PDE1C: variants seen among roughly 807,000 people sequenced by gnomAD.
The protein encoded by PDE1C is dual specificity calcium/calmodulin-dependent 3',5'-cyclic nucleotide phosphodiesterase 1C.
A neutral mutation model predicts 93.1 loss-of-function variants in PDE1C; 62 were observed. That is an observed-to-expected ratio of 0.67 (90% CI 0.54 to 0.82). PDE1C has a LOEUF of 0.82. PDE1C is among the 40% of genes least tolerant of loss of function. The pLI is 0.00. For synonymous variants in PDE1C, 325 were observed against 310.1 expected, an observed-to-expected ratio of 1.05 and a Z score of -0.50; for missense variants, 742 against 884.6, an observed-to-expected ratio of 0.84 and a Z score of 2.04.
chr7:32,107,688 G>C (rs1294068055), intron 3 of PDE1C, among the ~76,000 whole-genome samples: 1 of 151,962 alleles, frequency 6.6e-6, no homozygotes, highest in East Asian at 1.9e-4. Flanking sequence ...AATTATGCAA[G>C]TCAAACTCAG....
chr7:32,196,767 G>A (rs1804651007), intron 2 of PDE1C, among the ~76,000 whole-genome samples: 1 of 152,204 alleles, frequency 6.6e-6, no homozygotes, highest in Non-Finnish European at 1.5e-5. Flanking sequence ...CATAAGGAAT[G>A]TAAGGATTTA....
chr7:31,978,061 T>A (rs1450145293), intron 2 of PDE1C, among the ~76,000 whole-genome samples: 2 of 152,174 alleles, frequency 1.3e-5, no homozygotes, highest in Admixed American at 1.3e-4. Flanking sequence ...ACCAAGCTGA[T>A]CATTCGCAGA....
chr7:31,750,004 G>A (rs1284583237), downstream of PDE1C, among the ~76,000 whole-genome samples: 3 of 152,024 alleles, frequency 2.0e-5, no homozygotes, highest in African/African-American at 7.2e-5. Context: ...CCAAAGTGCT[G>A]GGATTACAGG....
chr7:32,376,605 T>C (rs1405392550), intron 1 of PDE1C, among the ~76,000 whole-genome samples: 2 of 152,216 alleles, frequency 1.3e-5, no homozygotes, highest in African/African-American at 4.8e-5. Flanking sequence ...GCATCCTCCA[T>C]GGCAGCTAAT....
chr7:31,962,702 A>G (rs1426422477), intron 2 of PDE1C, among the ~76,000 whole-genome samples: 1 of 152,218 alleles, frequency 6.6e-6, no homozygotes, highest in Non-Finnish European at 1.5e-5. Context: ...GACACAGAAC[A>G]TCACCAAAGT....
At chr7:32,222,579 G>A (rs1342578654) in intron 1 of PDE1C, among the ~76,000 whole-genome samples, 1 of 152,182 alleles carries the variant, frequency 6.6e-6, no homozygotes, top group Non-Finnish European at 1.5e-5. Context: ...AAGCCAGTTG[G>A]AAGTTGGGGA....
chr7:32,086,295 C>A (rs1364826096), intron 3 of PDE1C, among the ~76,000 whole-genome samples: 5 of 151,782 alleles, frequency 3.3e-5, no homozygotes, highest in Admixed American at 6.6e-5. Context: ...TCCAACTTAC[C>A]AGGGACATGA....
upstream of PDE1C, among the ~76,000 whole-genome samples, chr7:32,076,081 G>A (rs1481942720): frequency 2.6e-5 from 4 of 152,122 alleles, no homozygotes; most frequent in African/African-American, 9.7e-5. Context: ...AGGAAAACCT[G>A]AGTCTGCCCC....
chr7:31,726,909 C>T, the PDE1C span, among the ~76,000 whole-genome samples: 1 of 152,140 alleles, frequency 6.6e-6, no homozygotes, highest in African/African-American at 2.4e-5. Context: ...TGGCAGGTGC[C>T]TGTAATCCCC....
intron 2 of PDE1C, among the ~76,000 whole-genome samples, chr7:31,967,607 T>A (rs1396296779): frequency 6.6e-6 from 1 of 152,188 alleles, no homozygotes; most frequent in African/African-American, 2.4e-5. Context: ...CTAACTCTTT[T>A]TATGAGGCCA....
At chr7:32,245,292 T>C (rs1808843836) in intron 1 of PDE1C, among the ~76,000 whole-genome samples, 1 of 152,198 alleles carries the variant, frequency 6.6e-6, no homozygotes, top group Non-Finnish European at 1.5e-5. Flanking sequence ...TCTTTGTTTA[T>C]CTTTAGCTGA....
At chr7:31,981,919 C>T (rs1337607146) in intron 2 of PDE1C, among the ~76,000 whole-genome samples, 8 of 152,186 alleles carry the variant, frequency 5.3e-5, no homozygotes, top group African/African-American at 1.9e-4. Flanking sequence ...GCATGGTTTA[C>T]ATGTGAGACT....
At chr7:32,022,196 G>A (rs112032516) in intron 2 of PDE1C, among the ~76,000 whole-genome samples, 6,991 of 152,010 alleles carry the variant, frequency 0.046, 368 homozygotes, top group African/African-American at 0.13. Flanking sequence ...GAAAAGAAGG[G>A]AGGGAAGGAG....
chr7:32,334,892 T>C (rs1288151374), intron 1 of PDE1C, among the ~76,000 whole-genome samples: 1 of 152,148 alleles, frequency 6.6e-6, no homozygotes, highest in African/African-American at 2.4e-5. Flanking sequence ...ATGTTTTGTC[T>C]TTCAAATTTT....
the PDE1C span, among the ~76,000 whole-genome samples, chr7:31,715,634 G>A: frequency 1.5e-4 from 23 of 152,228 alleles, no homozygotes; most frequent in Non-Finnish European, 3.1e-4. Context: ...TTATAGCCCA[G>A]ATGCTCACAG....
intron 3 of PDE1C, among the ~76,000 whole-genome samples, chr7:32,106,210 G>T (rs1053531461): frequency 1.3e-5 from 2 of 151,870 alleles, no homozygotes; most frequent in African/African-American, 4.8e-5. Context: ...GCAGAGATTG[G>T]GCCTTGCTAC....
At chr7:32,122,250 T>A (rs952032916) in intron 3 of PDE1C, among the ~76,000 whole-genome samples, 1 of 152,184 alleles carries the variant, frequency 6.6e-6, no homozygotes, top group African/African-American at 2.4e-5. Context: ...CAAAGAGACT[T>A]AGACTCCCAA....
chr7:31,902,824 G>A (rs952435352), intron 2 of PDE1C, among the ~76,000 whole-genome samples: 5 of 150,860 alleles, frequency 3.3e-5, no homozygotes, highest in South Asian at 2.1e-4. Flanking sequence ...TTATAATATC[G>A]ATTAACATTA....
At chr7:32,012,881 C>T (rs1787344700) in intron 2 of PDE1C, among the ~76,000 whole-genome samples, 1 of 152,066 alleles carries the variant, frequency 6.6e-6, no homozygotes, top group African/African-American at 2.4e-5. Flanking sequence ...TCTCATTTTC[C>T]AGCTGTAAAA....
Sources: allele counts gnomAD v4.1 joint callset (sites outside exome capture counted in the v4.1 genomes callset), GRCh38; gene constraint gnomAD v4.1.1; transcripts MANE v1.5; gene names NCBI Gene and HGNC (gene_info 2026-07-23, HGNC 2026-07-21).